The following HTR4 variants were observed in gnomAD, a reference collection of about 807,000 sequenced individuals.
HTR4 encodes 5-hydroxytryptamine (serotonin) receptor 4, G protein-coupled.
In HTR4, 16 loss-of-function variants were observed where a neutral mutation model predicts 36.8. The ratio of observed to expected loss-of-function variants is 0.43; its 90% CI spans 0.29 to 0.66. HTR4 has a LOEUF of 0.66. Among genes scored for constraint, HTR4 ranks in the 30% least tolerant of loss-of-function variants. The pLI is 0.13. For missense variants in HTR4, 438 were observed against 490.9 expected (o/e 0.89, Z 1.02); for synonymous variants, 189 against 185.1 (o/e 1.02, Z -0.17).
intron 5 of HTR4, among the ~76,000 whole-genome samples, chr5:148,463,174 T>C (rs538500803): frequency 1.0e-3 from 119 of 116,742 alleles, no homozygotes; most frequent in Non-Finnish European, 1.8e-3. Context: ...TCTTTTTTTT[T>C]TTTTTTTTTT....
At chr5:148,594,847 C>A (rs1442617837) in intron 2 of HTR4, among the ~76,000 whole-genome samples, 2 of 152,120 alleles carry the variant, frequency 1.3e-5, no homozygotes, top group African/African-American at 4.8e-5. Context: ...ATAAGTTCAA[C>A]CCAATCTCAG....
At chr5:148,480,550 T>C (rs1192786626), downstream of HTR4, among the ~76,000 whole-genome samples, 1 of 152,190 alleles carries the variant, frequency 6.6e-6, no homozygotes, top group African/African-American at 2.4e-5. Flanking sequence ...GGCTAATTTT[T>C]GTAGCTTTAG....
chr5:148,565,651 T>A (rs1274288862), intron 2 of HTR4, among the ~76,000 whole-genome samples: 1 of 152,062 alleles, frequency 6.6e-6, no homozygotes, highest in Non-Finnish European at 1.5e-5. Flanking sequence ...CCAACATGTA[T>A]ACACTCACAC....
intron 2 of HTR4, among the ~76,000 whole-genome samples, chr5:148,591,974 T>G (rs1217127268): frequency 6.6e-6 from 1 of 151,978 alleles, no homozygotes; most frequent in Non-Finnish European, 1.5e-5. Flanking sequence ...GCAGAAGACA[T>G]GGAAACAACT....
At chr5:148,611,594 C>T (rs201343511) in intron 2 of HTR4, among the ~76,000 whole-genome samples, 17,349 of 142,532 alleles carry the variant, frequency 0.12, 1,307 homozygotes, top group East Asian at 0.3. Context: ...TAAAGACCAT[C>T]GAGACTAGGA....
Position 148,483,162 on chromosome 5 carries a change from T to G in HTR4, c.*41A>C. 1 of 1,613,654 alleles carries G rather than the reference T, an allele frequency of 6.2e-7. No individual in the cohort carries two copies. On this transcript the variant is annotated 3_prime_UTR_variant, in exon 7 of 7. Coordinates refer to ENST00000377888, the MANE Select transcript of HTR4 (RefSeq NM_000870.7). ...GCAGCAGCTTAGGACCTGGCCCTCT[T>G]TCGGAGGCATGGCTGTCTTCTGGGT... is the stretch of plus-strand genomic sequence containing the variant.
intron 2 of HTR4, among the ~76,000 whole-genome samples, chr5:148,596,931 T>C (rs1761801722): frequency 6.6e-6 from 1 of 152,158 alleles, no homozygotes; most frequent in Non-Finnish European, 1.5e-5. Flanking sequence ...AGATCAAGTG[T>C]AATAAGCCAA....
chr5:148,481,125 T>C (rs767920466), downstream of HTR4, among the ~76,000 whole-genome samples: 3 of 152,132 alleles, frequency 2.0e-5, no homozygotes, highest in Non-Finnish European at 4.4e-5. Context: ...AGCAGATTGG[T>C]TGGGTCTCAT....
At chr5:148,557,052 T>A (rs1037548989) in intron 2 of HTR4, among the ~76,000 whole-genome samples, 1 of 152,212 alleles carries the variant, frequency 6.6e-6, no homozygotes, top group African/African-American at 2.4e-5. Flanking sequence ...GCATCTGAGA[T>A]GAGCTCAGAC....
downstream of HTR4, among the ~76,000 whole-genome samples, chr5:148,478,910 T>C (rs1302415594): frequency 6.6e-6 from 1 of 152,016 alleles, no homozygotes; most frequent in Non-Finnish European, 1.5e-5. Context: ...TGTTCCACAC[T>C]CAGAAGAGAT....
chr5:148,580,399 CCT>C (rs1325278953), intron 2 of HTR4, among the ~76,000 whole-genome samples: 3 of 152,024 alleles, frequency 2.0e-5, no homozygotes, highest in Non-Finnish European at 2.9e-5. Flanking sequence ...CAAAATTCCC[CCT>C]TTTTACTCTA....
chr5:148,480,918 CA>C (rs1248700078), downstream of HTR4, among the ~76,000 whole-genome samples: 2 of 152,084 alleles, frequency 1.3e-5, no homozygotes, highest in African/African-American at 4.8e-5. Flanking sequence ...AATGTTTTCA[CA>C]AAAAAATTAT....
chr5:148,634,662 G>GA (rs1460942021), intron 2 of HTR4, among the ~76,000 whole-genome samples: 1 of 151,650 alleles, frequency 6.6e-6, no homozygotes, highest in Admixed American at 6.6e-5. Context: ...ACACATTAAA[G>GA]AAAAAAAACA....
At chr5:148,557,987 T>G (rs1581474321) in intron 2 of HTR4, among the ~76,000 whole-genome samples, 1 of 151,840 alleles carries the variant, frequency 6.6e-6, no homozygotes, top group East Asian at 1.9e-4. Flanking sequence ...GCAGTAAGTG[T>G]CTCCTCTCCC....
At position 148,573,340 on chromosome 5, in the gene HTR4, T is replaced by C. The variant is rs150065233; in HGVS notation, c.27-23078A>G. 2.6e-5 allele frequency among the ~76,000 whole-genome samples: 4 copies of C among 152,186 alleles called. No individual in the cohort carries two copies. The East Asian group carries it at 7.8e-4, about 30-fold the overall frequency. On this transcript the variant is annotated intron_variant, in intron 2 of 6. Transcript: ENST00000377888. The stretch of plus-strand genomic sequence containing the variant: ...AAAGAACTCTTAATCCTCAGTAATG[T>C]AAAACAGCAAAGGTTTATTTTTCAC...
chr5:148,476,708 C>A (rs78822999), downstream of HTR4: 457 of 1,610,262 alleles, frequency 2.8e-4, no homozygotes, highest in Non-Finnish European at 3.5e-4. Context: ...AAAAAATGAG[C>A]AATAAGAATT....
At chr5:148,510,726 G>A (rs1757457870) in intron 5 of HTR4, among the ~76,000 whole-genome samples, 1 of 152,182 alleles carries the variant, frequency 6.6e-6, no homozygotes, top group African/African-American at 2.4e-5. Flanking sequence ...GGATGCCATG[G>A]GGCACTTTTC....
At chr5:148,622,061 T>C (rs1426565955) in intron 2 of HTR4, among the ~76,000 whole-genome samples, 2 of 152,196 alleles carry the variant, frequency 1.3e-5, no homozygotes, top group Non-Finnish European at 1.5e-5. Context: ...TGTTTCTGAC[T>C]GCCTCTTGTA....
chr5:148,651,323 A>G (rs1186432667), intron 1 of HTR4, among the ~76,000 whole-genome samples: 2 of 152,246 alleles, frequency 1.3e-5, no homozygotes, highest in East Asian at 3.9e-4. Flanking sequence ...ATGTGTGAGG[A>G]TGGTAAAGTT....
Sources: allele counts gnomAD v4.1 joint callset (sites outside exome capture counted in the v4.1 genomes callset), GRCh38; gene constraint gnomAD v4.1.1; transcripts MANE v1.5; gene names NCBI Gene and HGNC (gene_info 2026-07-23, HGNC 2026-07-21).